LRRIQ1: variants seen among roughly 807,000 people sequenced by gnomAD.
The protein encoded by LRRIQ1 is leucine rich repeats and IQ motif containing 1, also known as leucine-rich repeat- and IQ domain-containing protein 1.
A neutral mutation model predicts 211.9 loss-of-function variants in LRRIQ1; 210 were observed. The ratio of observed to expected loss-of-function variants is 0.99; its 90% CI spans 0.89 to 1.11. The LOEUF (loss-of-function observed/expected upper bound fraction) is 1.11, where lower values mean the gene tolerates loss of function less well. Among genes scored for constraint, LRRIQ1 ranks in the 50% most tolerant of loss-of-function variants. The pLI is 0.00. For synonymous variants in LRRIQ1, 699 were observed against 650.1 expected (o/e 1.08, Z -1.14); for missense variants, 2,136 against 1,939.5 (o/e 1.10, Z -1.90).
At chr12:85,205,078 C>G (rs116088010) in intron 24 of LRRIQ1, among the ~76,000 whole-genome samples, 3 of 152,030 alleles carry the variant, frequency 2.0e-5, no homozygotes, top group Non-Finnish European at 4.4e-5. Flanking sequence ...ATAAGTCTCA[C>G]GAGGTCTGAT....
At chr12:85,141,750 TTTAA>T (rs1453661603) in intron 19 of LRRIQ1, among the ~76,000 whole-genome samples, 2 of 151,372 alleles carry the variant, frequency 1.3e-5, no homozygotes, top group South Asian at 2.1e-4. Context: ...TTTAGACTGT[TTTAA>T]TTGATTTTAA....
chr12:85,268,205 G>A (rs1178324997), downstream of LRRIQ1, among the ~76,000 whole-genome samples: 3 of 151,898 alleles, frequency 2.0e-5, no homozygotes, highest in East Asian at 5.8e-4. Context: ...CTCTAGATTT[G>A]TCTTGAAATG....
At position 85,229,623 on chromosome 12, in the gene LRRIQ1, A is replaced by C. The variant is rs769028622; in HGVS notation, c.4929A>C (p.Glu1643Asp). 8 of 1,612,216 alleles carry C rather than the reference A, an allele frequency of 5.0e-6. No homozygotes were observed. In the Admixed American group the frequency reaches 5.1e-5, roughly 10 times the overall value. Residue 1643 changes from glutamate to aspartate, a missense_variant, in exon 25 of 27, where the codon GAA (glutamate) becomes GAC (aspartate). Transcript: ENST00000393217. Reference sequence around the variant, plus strand: ...TTCACACACAGGTTGGGGTTCATGAAACGACTAGTTCCAGAAATATGAAAT... The same window carrying C: ...TTCACACACAGGTTGGGGTTCATGACACGACTAGTTCCAGAAATATGAAAT... ...QWLHTQVGVH[E>D]TTSSRNMKCN...
chr12:85,139,966 C>T (rs1181610476), intron 19 of LRRIQ1, among the ~76,000 whole-genome samples: 3 of 150,994 alleles, frequency 2.0e-5, no homozygotes, highest in Non-Finnish European at 4.5e-5. Flanking sequence ...TCTTTCTTCA[C>T]ATTCTTGGTA....
intron 19 of LRRIQ1, among the ~76,000 whole-genome samples, chr12:85,139,448 G>A (rs1889363696): frequency 6.6e-6 from 1 of 151,382 alleles, no homozygotes; most frequent in African/African-American, 2.4e-5. Context: ...ATATCACTAC[G>A]TGCCCTAACT....
At chr12:85,212,524 T>C (rs1231897661) in intron 24 of LRRIQ1, among the ~76,000 whole-genome samples, 2 of 151,912 alleles carry the variant, frequency 1.3e-5, no homozygotes, top group African/African-American at 4.8e-5. Flanking sequence ...AAATCAAGCA[T>C]AAATTTAAAA....
intron 26 of LRRIQ1, among the ~76,000 whole-genome samples, chr12:85,238,710 T>C (rs1895315563): frequency 6.6e-6 from 1 of 152,096 alleles, no homozygotes; most frequent in Non-Finnish European, 1.5e-5. Context: ...TGGTAAAAAT[T>C]CATAGAAAAT....
intron 24 of LRRIQ1, among the ~76,000 whole-genome samples, chr12:85,170,474 T>A (rs528758156): frequency 2.7e-5 from 4 of 150,546 alleles, no homozygotes; most frequent in Non-Finnish European, 5.9e-5. Context: ...ACATATTATA[T>A]GTATATATAA....
At chr12:85,154,236 T>A in intron 23 of LRRIQ1, 142 bp downstream of exon 23, 1 of 396,216 alleles carries the variant, frequency 2.5e-6, no homozygotes, top group Non-Finnish European at 4.4e-6. Context: ...TGAAAAAAAA[T>A]AAAACTTAAG....
chr12:85,163,260 C>G (rs1182664203), intron 24 of LRRIQ1, among the ~76,000 whole-genome samples: 1 of 152,112 alleles, frequency 6.6e-6, no homozygotes, highest in Non-Finnish European at 1.5e-5. Flanking sequence ...GTTACATAAC[C>G]ATCACCAAAT....
At position 85,057,155 on chromosome 12, in the gene LRRIQ1, C is replaced by T. The variant is rs777390585; in HGVS notation, c.2362C>T (p.Arg788Ter). 20 of 1,553,854 alleles carry T rather than the reference C, an allele frequency of 1.3e-5. No homozygotes were observed. The highest frequency in any genetic ancestry group is 7.0e-5 in the African/African-American group (5 of 71,700). The change falls in exon 8 of 27, where the codon CGA (arginine) becomes TGA (stop). Residue 788 changes from arginine to a stop codon, truncating the protein, a stop_gained. Transcript: ENST00000393217. LOFTEE classifies it high-confidence loss of function. ...CGCTTTGGATAAACTGGAAATTCTT[C>T]GATGTGGCCCTTGGGATACTTTACA... ...TPALDKLEILRCGPWDTLQQV... is the reference protein window; with the variant it reads ...TPALDKLEIL
intron 23 of LRRIQ1, 72 bp downstream of exon 23, chr12:85,154,166 T>C (rs1565873329): frequency 7.6e-6 from 6 of 790,344 alleles, no homozygotes; most frequent in African/African-American, 1.8e-5. Context: ...AAATATATTT[T>C]ATAAATTATG....
At chr12:85,112,097 A>T (rs1356003787) in intron 15 of LRRIQ1, among the ~76,000 whole-genome samples, 1 of 152,022 alleles carries the variant, frequency 6.6e-6, no homozygotes, top group Non-Finnish European at 1.5e-5. Flanking sequence ...CTAAAAAATG[A>T]TTTCTAAAAA....
intron 24 of LRRIQ1, among the ~76,000 whole-genome samples, chr12:85,203,071 A>G (rs1893378774): frequency 6.6e-6 from 1 of 152,176 alleles, no homozygotes; most frequent in African/African-American, 2.4e-5. Flanking sequence ...AGGAGTGACC[A>G]GGTGGGAGAT....
In LRRIQ1 at chr12:85,080,987, A is replaced by C. The variant is rs192145759; in HGVS notation, c.2887+7889A>C. Among the ~76,000 whole-genome samples the C allele has an allele frequency of 9.2e-5, 14 of 152,238 alleles. No individual in the cohort carries two copies. The East Asian group carries it at 2.3e-3, about 25-fold the overall frequency. On this transcript the variant is annotated intron_variant, in intron 11 of 26. Transcript: ENST00000393217. ...GAGGTCCTTAGTTTTTACTTAGGGC[A>C]ATCTCTGTGTAGTTGAATCTATACA...
At chr12:85,209,396 C>T (rs2137059501) in intron 24 of LRRIQ1, among the ~76,000 whole-genome samples, 1 of 152,252 alleles carries the variant, frequency 6.6e-6, no homozygotes, top group Admixed American at 6.5e-5. Flanking sequence ...ATCACAAGAA[C>T]AGCATGGAGG....
In LRRIQ1 at chr12:85,191,248, G is replaced by T. The variant is rs533687227; in HGVS notation, c.4822+30534G>T. 4.6e-5 allele frequency among the ~76,000 whole-genome samples: 7 copies of T among 151,998 alleles called. No homozygotes were observed. The South Asian group carries it at 1.5e-3, about 32-fold the overall frequency. ...ATATGGATTTTGACAAATGTTTGATGACATGTATCCAGCCTCATAGTGCCA... is the reference window on the plus strand; with the variant it reads ...ATATGGATTTTGACAAATGTTTGATTACATGTATCCAGCCTCATAGTGCCA... On this transcript the variant is annotated intron_variant, in intron 24 of 26. Coordinates refer to ENST00000393217, the MANE Select transcript of LRRIQ1 (RefSeq NM_001079910.2).
At chr12:85,062,806 AT>A (rs1439669328) in intron 8 of LRRIQ1, among the ~76,000 whole-genome samples, 4 of 151,790 alleles carry the variant, frequency 2.6e-5, no homozygotes, top group African/African-American at 7.3e-5. Flanking sequence ...TAACTAATTT[AT>A]ATCTCTACCA....
chr12:85,271,014 A>G, the LRRIQ1 span, among the ~76,000 whole-genome samples: 19 of 152,346 alleles, frequency 1.2e-4, no homozygotes, highest in South Asian at 3.5e-3. Context: ...GAATGATACA[A>G]TAGTTATTTG....
Sources: gnomAD v4.1 joint callset for allele counts (sites outside exome capture counted in the v4.1 genomes callset) on GRCh38, gnomAD v4.1.1 for gene constraint, MANE v1.5 for transcripts, NCBI Gene and HGNC (gene_info 2026-07-23, HGNC 2026-07-21) for gene names.